The following CCDC15 variants were observed in gnomAD, a reference collection of about 807,000 sequenced individuals.
CCDC15 encodes coiled-coil domain-containing protein 15.
CCDC15 carries 105 observed loss-of-function variants against 114.5 expected under a neutral mutation model. The observed-to-expected ratio is 0.92, with a 90% confidence interval of 0.78 to 1.08. The LOEUF (loss-of-function observed/expected upper bound fraction) is 1.08, where lower values mean the gene tolerates loss of function less well. CCDC15 is among the 50% of genes least tolerant of loss of function. CCDC15 has a pLI of 0.00. For missense variants in CCDC15, 1,105 were observed against 1,093.6 expected, an observed-to-expected ratio of 1.01 and a Z score of -0.15; for synonymous variants, 334 against 377.8, an observed-to-expected ratio of 0.88 and a Z score of 1.34.
intron 6 of CCDC15, among the ~76,000 whole-genome samples, chr11:124,986,307 T>G (rs1448788976): frequency 6.6e-6 from 1 of 152,210 alleles, no homozygotes; most frequent in African/African-American, 2.4e-5. Flanking sequence ...TTCTTCTTTT[T>G]CAAGAAAGTG....
intron 9 of CCDC15, among the ~76,000 whole-genome samples, chr11:124,992,119 T>C (rs1163913026): frequency 6.6e-6 from 1 of 152,260 alleles, no homozygotes; most frequent in Non-Finnish European, 1.5e-5. Context: ...CTCTCCTTTT[T>C]GTTTTTTTCT....
intron 13 of CCDC15, among the ~76,000 whole-genome samples, chr11:125,028,204 G>C (rs1948717903): frequency 6.6e-6 from 1 of 152,112 alleles, no homozygotes; most frequent in African/African-American, 2.4e-5. Context: ...GATGCCTCCA[G>C]GTTTGTTCTC....
chr11:125,029,285 A>C (rs1394326302), intron 13 of CCDC15, among the ~76,000 whole-genome samples: 1 of 152,308 alleles, frequency 6.6e-6, no homozygotes, highest in African/African-American at 2.4e-5. Context: ...ACTCCGTATT[A>C]ACCATCACAA....
intron 13 of CCDC15, among the ~76,000 whole-genome samples, chr11:125,025,118 G>GTA (rs1491446900): frequency 2.7e-4 from 26 of 95,408 alleles, no homozygotes; most frequent in Admixed American, 3.8e-4. Flanking sequence ...ATATATGTGA[G>GTA]TATATATATG....
At chr11:124,988,816 G>T (rs1948220587) in intron 8 of CCDC15, among the ~76,000 whole-genome samples, 1 of 152,180 alleles carries the variant, frequency 6.6e-6, no homozygotes, top group South Asian at 2.1e-4. Flanking sequence ...ATCCATTTAA[G>T]TTTGAACATG....
intron 8 of CCDC15, 144 bp downstream of exon 8, chr11:124,988,278 A>G: frequency 1.1e-6 from 1 of 879,420 alleles, no homozygotes; most frequent in East Asian, 2.6e-5. Context: ...ATTGGAATAA[A>G]GTAAGTCACA....
chr11:124,957,441 C>A (rs907961207), intron 2 of CCDC15, among the ~76,000 whole-genome samples: 15 of 152,206 alleles, frequency 9.9e-5, no homozygotes, highest in African/African-American at 3.6e-4. Flanking sequence ...TGGGCTTCCT[C>A]ACAGCATGGT....
intron 6 of CCDC15, among the ~76,000 whole-genome samples, chr11:124,982,502 C>G (rs1948087400): frequency 6.6e-6 from 1 of 152,202 alleles, no homozygotes; most frequent in South Asian, 2.1e-4. Context: ...ATTCCCTTAG[C>G]ATTTGCTTGT....
intron 11 of CCDC15, among the ~76,000 whole-genome samples, chr11:124,999,648 T>C (rs1411427372): frequency 1.3e-5 from 2 of 152,044 alleles, no homozygotes; most frequent in Non-Finnish European, 2.9e-5. Context: ...ATTTTTGTGG[T>C]GAGAACTTTT....
chr11:124,969,802 T>C (rs941624923), intron 4 of CCDC15, among the ~76,000 whole-genome samples: 4 of 152,292 alleles, frequency 2.6e-5, no homozygotes, highest in South Asian at 4.1e-4. Context: ...AAGGGAAGAA[T>C]CAGAATCTCA....
rs369432684 is a variant in CCDC15 at position 124,992,595 on chromosome 11, A to T, written c.2047A>T (p.Met683Leu). 6.3e-7 allele frequency: 1 copy of T among 1,593,844 alleles called. No homozygotes were observed. Among genetic ancestry groups the T allele is most frequent in the Admixed American group, 1.7e-5 (1 of 57,518 alleles). The change falls in exon 10 of 16, where the codon ATG becomes TTG. Residue 683 changes from methionine to leucine, a missense_variant. Physicochemically the swap from Met to Leu is conservative, Grantham distance 15. Transcript: ENST00000344762. ...GTTTCTCAAGCAACCTGCATCTTTT[A>T]TGAGAGAAGAAAGAGTGAGAGAAGA... is the stretch of plus-strand genomic sequence containing the variant. ...DIKNQQPASF[M>L]REERVREELP...
At chr11:125,015,975 T>C (rs1948627001) in intron 13 of CCDC15, among the ~76,000 whole-genome samples, 1 of 152,202 alleles carries the variant, frequency 6.6e-6, no homozygotes, top group African/African-American at 2.4e-5. Flanking sequence ...GAAACAAAGC[T>C]TTTTGCAGCA....
intron 2 of CCDC15, among the ~76,000 whole-genome samples, chr11:124,958,099 G>C (rs1446203842): frequency 6.6e-6 from 1 of 152,200 alleles, no homozygotes; most frequent in African/African-American, 2.4e-5. Context: ...TTTGAGGATA[G>C]AGTGCTACAA....
rs566866717 is a variant in CCDC15, at chr11:125,002,744, C to T, written c.2215-1123C>T. Among the ~76,000 whole-genome samples, 3 of 152,090 alleles carry T rather than the reference C, an allele frequency of 2.0e-5. No homozygotes were observed. In the South Asian group the frequency reaches 6.2e-4, roughly 32 times the overall value. ...TATTTCTGAACTCTCACTTTTATTC[C>T]ATTGATCTATAGCATATCTATCCTT... On this transcript the variant is annotated intron_variant, in intron 11 of 15. Coordinates refer to ENST00000344762, the MANE Select transcript of CCDC15 (RefSeq NM_025004.3).
At chr11:124,968,406 C>T (rs1271255266) in intron 4 of CCDC15, among the ~76,000 whole-genome samples, 1 of 152,182 alleles carries the variant, frequency 6.6e-6, no homozygotes, top group African/African-American at 2.4e-5. Flanking sequence ...GCAGTTTAAT[C>T]TCGGACTGCT....
chr11:125,000,503 GA>G (rs1418024473), intron 11 of CCDC15, among the ~76,000 whole-genome samples: 2 of 152,048 alleles, frequency 1.3e-5, no homozygotes, highest in East Asian at 3.9e-4. Context: ...ACATTTCTCA[GA>G]AGTCTTAGTT....
chr11:125,010,336 C>A (rs1027141311), intron 13 of CCDC15, among the ~76,000 whole-genome samples: 15 of 146,850 alleles, frequency 1.0e-4, no homozygotes, highest in African/African-American at 3.7e-4. Flanking sequence ...TTATTCATGT[C>A]TTTTGCCCAC....
chr11:124,974,514 T>A (rs1257492693), intron 4 of CCDC15, among the ~76,000 whole-genome samples: 1 of 152,204 alleles, frequency 6.6e-6, no homozygotes, highest in African/African-American at 2.4e-5. Context: ...TTGAAATGTT[T>A]GAATTTGTGT....
At chr11:125,002,033 G>C (rs6590114) in intron 11 of CCDC15, among the ~76,000 whole-genome samples, 30,861 of 152,086 alleles carry the variant, frequency 0.2, 3,721 homozygotes, top group African/African-American at 0.33. Context: ...GGTATATGAG[G>C]ACTCAAATTT....
Sources: allele counts gnomAD v4.1 joint callset (sites outside exome capture counted in the v4.1 genomes callset), GRCh38; gene constraint gnomAD v4.1.1; transcripts MANE v1.5; gene names NCBI Gene and HGNC (gene_info 2026-07-23, HGNC 2026-07-21).